The following USP6NL variants were observed in gnomAD, a reference collection of about 807,000 sequenced individuals.
USP6NL encodes USP6 N-terminal-like protein.
USP6NL carries 26 observed loss-of-function variants against 61.9 expected under a neutral mutation model. The ratio of observed to expected loss-of-function variants is 0.42; its 90% CI spans 0.31 to 0.58. USP6NL has a LOEUF of 0.58. Ranked by LOEUF, USP6NL falls within the 20% of genes least tolerant of loss-of-function variation. USP6NL has a pLI of 0.16. For missense variants in USP6NL, 1,114 were observed against 1,034.3 expected (o/e 1.08, Z -1.06); for synonymous variants, 432 against 390.1 (o/e 1.11, Z -1.27).
At chr10:11,512,697 C>T (rs924953229) in intron 5 of USP6NL, among the ~76,000 whole-genome samples, 6 of 152,184 alleles carry the variant, frequency 3.9e-5, no homozygotes, top group Non-Finnish European at 8.8e-5. Context: ...ACAAATGTTT[C>T]CTATTTGTCT....
chr10:11,525,970 C>T lies in USP6NL; in HGVS notation c.73-502G>A, dbSNP rs989474356. Among the ~76,000 whole-genome samples the T allele has an allele frequency of 7.9e-5, 12 of 152,204 alleles. No individual in the cohort carries two copies. The highest frequency in any genetic ancestry group is 1.2e-4 in the Non-Finnish European group (8 of 68,028). On this transcript the variant is annotated intron_variant, in intron 3 of 14. Coordinates refer to ENST00000609104, the MANE Select transcript of USP6NL (RefSeq NM_014688.5). This position sits in a 1 kb window ranked among gnomAD's most constrained non-coding sequence, Gnocchi z 5.0. ...TCTTGCCAAAGTCAAAAATGACCTT[C>T]CAGCAGTCAGACCTGCTGCACGCTC...
rs908643558 is a variant in USP6NL, at chr10:11,553,385, T to C, written c.5-25818A>G. Among the ~76,000 whole-genome samples, 3 of 152,222 alleles carry C rather than the reference T, an allele frequency of 2.0e-5. No homozygotes were observed. Among genetic ancestry groups the C allele is most frequent in the Non-Finnish European group, 4.4e-5 (3 of 68,040 alleles). On this transcript the variant is annotated intron_variant, in intron 2 of 14. Coordinates refer to ENST00000609104, the MANE Select transcript of USP6NL (RefSeq NM_014688.5). The surrounding 1 kb of genome is among the most constrained non-coding windows in gnomAD (Gnocchi z 4.8). ...CCTCTCACTAACTTCAGCCTCCAGG[T>C]TTCCTTGTGTGGATGTCATTTCAGC...
rs1833640923 is a variant in USP6NL at position 11,489,968 on chromosome 10, G to A, written c.544-746C>T. On this transcript the variant is annotated intron_variant, in intron 9 of 14. Coordinates refer to ENST00000609104, the MANE Select transcript of USP6NL (RefSeq NM_014688.5). This position sits in a 1 kb window ranked among gnomAD's most constrained non-coding sequence, Gnocchi z 5.7. ...GAAGCAATCTGGAGAGAGAAACAGTGAACTGAACAGTTCACAGAGATCATC... is the reference window on the plus strand; with the variant it reads ...GAAGCAATCTGGAGAGAGAAACAGTAAACTGAACAGTTCACAGAGATCATC... 6.6e-6 allele frequency among the ~76,000 whole-genome samples: 1 copy of A among 152,156 alleles called. No homozygotes were observed. Among genetic ancestry groups the A allele is most frequent in the Non-Finnish European group, 1.5e-5 (1 of 68,022 alleles).
At chr10:11,543,876 G>T (rs2133463043) in intron 2 of USP6NL, among the ~76,000 whole-genome samples, 1 of 133,288 alleles carries the variant, frequency 7.5e-6, no homozygotes, top group South Asian at 2.6e-4. Flanking sequence ...CAGTGGCGCA[G>T]TCTCGGCTCA....
chr10:11,522,218 A>AC (rs1363762691), intron 4 of USP6NL, among the ~76,000 whole-genome samples: 1 of 152,264 alleles, frequency 6.6e-6, no homozygotes, highest in African/African-American at 2.4e-5. Flanking sequence ...CTAAAACTGT[A>AC]ATTAGATATA....
chr10:11,508,968 T>C (rs948545481), intron 6 of USP6NL, among the ~76,000 whole-genome samples: 68 of 152,218 alleles, frequency 4.5e-4, no homozygotes, highest in African/African-American at 1.5e-3. Flanking sequence ...CTTAACAGCT[T>C]TGGAAAACTT....
At chr10:11,604,967 T>C (rs1365652880) in intron 1 of USP6NL, among the ~76,000 whole-genome samples, 1 of 152,222 alleles carries the variant, frequency 6.6e-6, no homozygotes, top group Non-Finnish European at 1.5e-5. Flanking sequence ...AGGACTACTG[T>C]ATGTTATGTG....
chr10:11,527,665 C>G, intron 2 of USP6NL, 98 bp from the exon 3 acceptor site: 1 of 1,082,276 alleles, frequency 9.2e-7, no homozygotes, highest in Non-Finnish European at 1.3e-6. Flanking sequence ...AAAATAAATA[C>G]TGCCTAAAAT....
rs1371708221 is a variant in USP6NL at position 11,598,563 on chromosome 10, AATCT to A, written c.-83-850_-83-847del. Among the ~76,000 whole-genome samples the A allele has an allele frequency of 5.3e-5, 8 of 152,192 alleles. No homozygotes were observed. The highest frequency in any genetic ancestry group is 8.8e-5 in the Non-Finnish European group (6 of 68,020). On this transcript the variant is annotated intron_variant, in intron 1 of 14. Transcript: ENST00000609104. The surrounding 1 kb of genome is among the most constrained non-coding windows in gnomAD (Gnocchi z 4.7). The stretch of plus-strand genomic sequence containing the variant: ...CCATGGATGCACAAATGCCTACCTA[AATCT>A]ATCATATAAAATTCCACAGATAAGA...
chr10:11,519,092 A>G (rs1174123401), intron 4 of USP6NL, among the ~76,000 whole-genome samples: 1 of 147,954 alleles, frequency 6.8e-6, no homozygotes, highest in Non-Finnish European at 1.5e-5. Context: ...GTTGTAGTAC[A>G]AAAGCAACCA....
At chr10:11,538,589 A>G (rs1372276508) in intron 2 of USP6NL, among the ~76,000 whole-genome samples, 1 of 152,242 alleles carries the variant, frequency 6.6e-6, no homozygotes, top group African/African-American at 2.4e-5. Flanking sequence ...AAAATTTAAT[A>G]TATCAACGTA....
intron 2 of USP6NL, among the ~76,000 whole-genome samples, chr10:11,571,350 T>C (rs974304182): frequency 2.0e-5 from 3 of 152,098 alleles, no homozygotes; most frequent in Non-Finnish European, 4.4e-5. Flanking sequence ...CCTCCCAAAG[T>C]GCTGGGATTA....
At position 11,466,344 on chromosome 10, in the gene USP6NL, T is replaced by C. The variant is rs559661680; in HGVS notation, c.1079-2495A>G. Among the ~76,000 whole-genome samples, 13 of 152,322 alleles carry C rather than the reference T, an allele frequency of 8.5e-5. No individual in the cohort carries two copies. The South Asian group carries it at 2.7e-3, about 32-fold the overall frequency. ...TGTATCAGCTATCTGGCGGTCACAC[T>C]GTACTGCCCTCCCTTTAGAGACAAT... On this transcript the variant is annotated intron_variant, in intron 14 of 14. Coordinates refer to ENST00000609104, the MANE Select transcript of USP6NL (RefSeq NM_014688.5).
At position 11,462,256 on chromosome 10, in the gene USP6NL, G is replaced by T. The variant is rs1433953870; in HGVS notation, c.*185C>A. On this transcript the variant is annotated 3_prime_UTR_variant, in exon 15 of 15. Coordinates refer to ENST00000609104, the MANE Select transcript of USP6NL (RefSeq NM_014688.5). ...CTAACAGGTCAGTGATGATGCAATT[G>T]AAACGCTCATCTTAAGCAGCATCTA... 4 of 702,938 alleles carry T rather than the reference G, an allele frequency of 5.7e-6. No individual in the cohort carries two copies. In the African/African-American group the frequency reaches 7.2e-5, roughly 13 times the overall value. 43.5% of individuals were successfully genotyped at this position (702,938 alleles called of 1,614,324 possible). A position where few individuals can be genotyped will look rare whatever the true frequency, so the allele number is the denominator to read the frequency against.
At position 11,598,055 on chromosome 10, in the gene USP6NL, T is replaced by C. The variant is rs1182086163; in HGVS notation, c.-83-338A>G. Reference sequence around the variant, plus strand: ...AAAATCACAGGTAGAAGGCACTCCATCTAGGGTAAATACAGCCCACATCAT... The same window carrying C: ...AAAATCACAGGTAGAAGGCACTCCACCTAGGGTAAATACAGCCCACATCAT... On this transcript the variant is annotated intron_variant, in intron 1 of 14. Transcript: ENST00000609104. This position sits in a 1 kb window ranked among gnomAD's most constrained non-coding sequence, Gnocchi z 4.7. Among the ~76,000 whole-genome samples the C allele has an allele frequency of 6.6e-6, 1 of 152,214 alleles. No individual in the cohort carries two copies. The highest frequency in any genetic ancestry group is 1.5e-5 in the Non-Finnish European group (1 of 68,028).
chr10:11,542,624 CAGG>C (rs1411096490), intron 2 of USP6NL, among the ~76,000 whole-genome samples: 7 of 152,084 alleles, frequency 4.6e-5, no homozygotes, highest in African/African-American at 1.7e-4. Flanking sequence ...GAGGCAGAGG[CAGG>C]AGAATTGCCT....
intron 2 of USP6NL, among the ~76,000 whole-genome samples, chr10:11,555,471 A>AGAGAAAGAGAGAG (rs1566178235): frequency 6.4e-5 from 4 of 62,210 alleles, no homozygotes; most frequent in African/African-American, 2.8e-4. Context: ...GAGAGAGAGA[A>AGAGAAAGAGAGAG]AGAGAGAGAG....
chr10:11,532,354 G>C lies in USP6NL; in HGVS notation c.5-4787C>G. 1.3e-6 allele frequency: 1 copy of C among 742,948 alleles called. No homozygotes were observed. Among genetic ancestry groups the C allele is most frequent in the South Asian group, 2.4e-5 (1 of 42,066 alleles). 46.0% of individuals were successfully genotyped at this position (742,948 alleles called of 1,614,324 possible). ...ACTAAAACAAAGAAAGGCAGAGGCAGCTCTACTTTAAACTATCTGTGAAAC... is the reference window on the plus strand; with the variant it reads ...ACTAAAACAAAGAAAGGCAGAGGCACCTCTACTTTAAACTATCTGTGAAAC... On this transcript the variant is annotated intron_variant, in intron 2 of 14. Coordinates refer to ENST00000609104, the MANE Select transcript of USP6NL (RefSeq NM_014688.5). This position sits in a 1 kb window ranked among gnomAD's most constrained non-coding sequence, Gnocchi z 4.1.
chr10:11,489,220 T>C lies in USP6NL; in HGVS notation c.546A>G (p.Glu182=), dbSNP rs780647504. 1.2e-6 allele frequency: 2 copies of C among 1,613,770 alleles called. No individual in the cohort carries two copies. Among genetic ancestry groups the C allele is most frequent in the East Asian group, 4.5e-5 (2 of 44,868 alleles). Residue 182 remains glutamate, a splice_region_variant and synonymous_variant, in exon 10 of 15, where the codon GAA becomes GAG. Coordinates refer to ENST00000609104, the MANE Select transcript of USP6NL (RefSeq NM_014688.5). This position sits in a 1 kb window ranked among gnomAD's most constrained non-coding sequence, Gnocchi z 5.7. The stretch of plus-strand genomic sequence containing the variant: ...GGCTCATCCCCTGACAATACCCGAC[T>C]TCCTGGGGAGCAAAGGGGAACACAG... ...VLAAYSIYNT[E]VGYCQGMSQI... is the part of the protein sequence containing the mutation.
Sources: allele counts gnomAD v4.1 joint callset (sites outside exome capture counted in the v4.1 genomes callset), GRCh38; gene constraint gnomAD v4.1.1; non-coding constraint Gnocchi (gnomAD v3.1); transcripts MANE v1.5; gene names NCBI Gene and HGNC (gene_info 2026-07-23, HGNC 2026-07-21).